The following LRP1B variants were observed in gnomAD, a reference collection of about 807,000 sequenced individuals.
LRP1B encodes the protein low-density lipoprotein receptor-related protein 1B.
LRP1B carries 217 observed loss-of-function variants against 556.6 expected under a neutral mutation model. That is an observed-to-expected ratio of 0.39 (90% CI 0.35 to 0.44). LRP1B has a LOEUF of 0.44. Among genes scored for constraint, LRP1B ranks in the 20% least tolerant of loss-of-function variants. The probability of loss-of-function intolerance (pLI) is 1.00; values close to 1 mark genes in which losing one functional copy is unlikely to be tolerated. For missense variants in LRP1B, 5,053 were observed against 5,620.8 expected, an observed-to-expected ratio of 0.90 and a Z score of 3.23; for synonymous variants, 2,047 against 1,865.8, an observed-to-expected ratio of 1.10 and a Z score of -2.50.
At chr2:141,153,574 AATATATT>A (rs1417639558) in intron 7 of LRP1B, among the ~76,000 whole-genome samples, 2 of 129,646 alleles carry the variant, frequency 1.5e-5, no homozygotes, top group Non-Finnish European at 3.1e-5. Context: ...TATATATAAT[AATATATT>A]ATATATTAGC....
At position 142,115,728 on chromosome 2, in the gene LRP1B, AATATATATGTAATATATATATT is replaced by A. The variant is rs1559080367; in HGVS notation, c.82+14898_82+14919del. ...TATAATATATATGTAATATATATAT[AATATATATGTAATATATATATT>A]ATATATATGTAATATATATCATATA... On this transcript the variant is annotated intron_variant, in intron 1 of 90. Coordinates refer to ENST00000389484, the MANE Select transcript of LRP1B (RefSeq NM_018557.3). Among the ~76,000 whole-genome samples the A allele has an allele frequency of 1.6e-3, 5 of 3,198 alleles. 2 individuals are homozygous for A. Among genetic ancestry groups the A allele is most frequent in the African/African-American group, 2.5e-3 (3 of 1,216 alleles). 2.1% of individuals were successfully genotyped at this position (3,198 alleles called of 152,430 possible).
At chr2:140,491,740 A>C (rs1457592276) in intron 57 of LRP1B, among the ~76,000 whole-genome samples, 1 of 152,048 alleles carries the variant, frequency 6.6e-6, no homozygotes, top group Non-Finnish European at 1.5e-5. Flanking sequence ...ATTTTGATTA[A>C]ATTTTTGTTA....
At chr2:140,739,929 C>T (rs139293166) in intron 35 of LRP1B, among the ~76,000 whole-genome samples, 3,241 of 152,194 alleles carry the variant, frequency 0.021, 97 homozygotes, top group African/African-American at 0.072. Flanking sequence ...AAATGCTCAA[C>T]ATCACTAATG....
intron 2 of LRP1B, among the ~76,000 whole-genome samples, chr2:141,546,052 T>A (rs1282660690): frequency 6.6e-6 from 1 of 152,066 alleles, no homozygotes; most frequent in African/African-American, 2.4e-5. Flanking sequence ...TGGTGATGCT[T>A]CCCTTCACCT....
intron 7 of LRP1B, among the ~76,000 whole-genome samples, chr2:141,117,036 T>G (rs961252754): frequency 1.3e-5 from 2 of 152,112 alleles, no homozygotes; most frequent in Admixed American, 6.5e-5. Context: ...AAAATCTTCC[T>G]TAATCATTTT....
intron 31 of LRP1B, among the ~76,000 whole-genome samples, chr2:140,834,918 CT>C (rs1160237872): frequency 1.3e-5 from 2 of 152,094 alleles, no homozygotes; most frequent in South Asian, 2.1e-4. Flanking sequence ...TTCCAGTTCA[CT>C]TTTTTTCTAT....
chr2:141,239,252 A>C (rs1366745025), intron 5 of LRP1B, among the ~76,000 whole-genome samples: 2 of 152,142 alleles, frequency 1.3e-5, no homozygotes, highest in Non-Finnish European at 2.9e-5. Flanking sequence ...CTTAAGACCG[A>C]TAGTCAACTA....
intron 27 of LRP1B, among the ~76,000 whole-genome samples, chr2:140,865,858 C>T (rs1692933446): frequency 6.6e-6 from 1 of 151,970 alleles, no homozygotes; most frequent in Non-Finnish European, 1.5e-5. Flanking sequence ...CCTCCCCCCA[C>T]CAAAAAATGA....
At chr2:140,404,454 G>A (rs951700773) in intron 66 of LRP1B, among the ~76,000 whole-genome samples, 5 of 152,010 alleles carry the variant, frequency 3.3e-5, no homozygotes, top group African/African-American at 1.2e-4. Flanking sequence ...TTGCAGGCAT[G>A]AGCCACCGTG....
intron 11 of LRP1B, among the ~76,000 whole-genome samples, chr2:141,033,316 G>A (rs868587789): frequency 9.9e-5 from 15 of 152,104 alleles, no homozygotes; most frequent in African/African-American, 2.4e-4. Context: ...CTTCCAGGAC[G>A]TGGTGAGCGC....
rs1327285571 is a variant in LRP1B at position 140,763,321 on chromosome 2, TTC to T, written c.5758+5890_5758+5891del. On this transcript the variant is annotated intron_variant, in intron 35 of 90. Transcript: ENST00000389484. Reference sequence around the variant, plus strand: ...TGGGGAGAAAGAGTGGTACATTCAATTCTGAATGTACCACTGAGGAGAAGCCT... The same window carrying T: ...TGGGGAGAAAGAGTGGTACATTCAATTGAATGTACCACTGAGGAGAAGCCT... Among the ~76,000 whole-genome samples, 4 of 152,166 alleles carry T rather than the reference TTC, an allele frequency of 2.6e-5. No individual in the cohort carries two copies. In the East Asian group the frequency reaches 7.7e-4, roughly 29 times the overall value.
rs1342052325 is a variant in LRP1B at position 140,457,560 on chromosome 2, A to T, written c.9717T>A (p.Arg3239=). ...TGTCTGCTCCCGATGTTTTATGGGC[A>T]CGGCTGAGTGACTTGGTTTTCCCAT... ...WTDGKTKSLS[R]AHKTSGADRL... Residue 3239 remains arginine, a synonymous_variant, in exon 61 of 91, where the codon CGT becomes CGA. Transcript: ENST00000389484. The T allele has an allele frequency of 4.3e-6, 7 of 1,613,836 alleles. No homozygotes were observed. Among genetic ancestry groups the T allele is most frequent in the Non-Finnish European group, 5.9e-6 (7 of 1,179,782 alleles).
chr2:140,367,888 T>C (rs1260160525), intron 71 of LRP1B, among the ~76,000 whole-genome samples: 1 of 151,852 alleles, frequency 6.6e-6, no homozygotes, highest in Non-Finnish European at 1.5e-5. Flanking sequence ...ATCAGTCTTG[T>C]TAAAAAATGA....
At chr2:140,750,999 T>C (rs1455565814) in intron 35 of LRP1B, among the ~76,000 whole-genome samples, 1 of 147,936 alleles carries the variant, frequency 6.8e-6, no homozygotes, top group Non-Finnish European at 1.5e-5. Flanking sequence ...TTCTTTTTTT[T>C]TTTTTTTTTT....
At chr2:142,022,810 A>G (rs1236992886) in intron 1 of LRP1B, among the ~76,000 whole-genome samples, 4 of 152,104 alleles carry the variant, frequency 2.6e-5, no homozygotes, top group African/African-American at 9.7e-5. Context: ...AGCTGAGGTT[A>G]CAGGTGCGTG....
At chr2:141,194,892 G>T (rs1681683953) in intron 6 of LRP1B, among the ~76,000 whole-genome samples, 1 of 152,022 alleles carries the variant, frequency 6.6e-6, no homozygotes, top group Non-Finnish European at 1.5e-5. Flanking sequence ...CAAAAAGACT[G>T]CCCTTTAATT....
chr2:142,077,989 A>T (rs1447862595), intron 1 of LRP1B, among the ~76,000 whole-genome samples: 1 of 152,154 alleles, frequency 6.6e-6, no homozygotes, highest in Non-Finnish European at 1.5e-5. Context: ...AATGCACACA[A>T]TGTTCACTGT....
At chr2:141,977,912 T>G (rs1251596025) in intron 1 of LRP1B, among the ~76,000 whole-genome samples, 1 of 152,168 alleles carries the variant, frequency 6.6e-6, no homozygotes, top group Non-Finnish European at 1.5e-5. Context: ...TTATTCTTAT[T>G]GCAACATCTA....
At chr2:141,487,891 A>G (rs1268289170) in intron 2 of LRP1B, among the ~76,000 whole-genome samples, 5 of 152,192 alleles carry the variant, frequency 3.3e-5, no homozygotes, top group Admixed American at 3.3e-4. Context: ...CTAAACTCGC[A>G]TAAAGTACTT....
Sources: gnomAD v4.1 joint callset for allele counts (sites outside exome capture counted in the v4.1 genomes callset) on GRCh38, gnomAD v4.1.1 for gene constraint, MANE v1.5 for transcripts, NCBI Gene and HGNC (gene_info 2026-07-23, HGNC 2026-07-21) for gene names.